Variants in GTF2IRD1 observed in about 807,000 individuals in gnomAD.
GTF2IRD1 encodes GTF2I repeat domain containing 1, also known as general transcription factor II-I repeat domain-containing protein 1.
Under a neutral mutation model 113.2 loss-of-function variants are expected in GTF2IRD1, and 26 were observed. The ratio of observed to expected loss-of-function variants is 0.23; its 90% CI spans 0.17 to 0.32. GTF2IRD1 has a LOEUF of 0.32. GTF2IRD1 is among the 10% of genes least tolerant of loss of function. The probability of loss-of-function intolerance (pLI) is 1.00; values close to 1 mark genes in which losing one functional copy is unlikely to be tolerated. For missense variants in GTF2IRD1, 864 were observed against 1,280.8 expected (o/e 0.67, Z 4.97); for synonymous variants, 484 against 529.1 (o/e 0.91, Z 1.17).
chr7:74,499,677 A>AATGAATGAATGCACAC (rs1303882153), intron 1 of GTF2IRD1, among the ~76,000 whole-genome samples: 2 of 152,202 alleles, frequency 1.3e-5, no homozygotes, highest in Non-Finnish European at 2.9e-5. Flanking sequence ...CCAAGAAATG[A>AATGAATGAATGCACAC]ATGAATGAAT....
intron 1 of GTF2IRD1, among the ~76,000 whole-genome samples, chr7:74,461,068 C>G (rs887865404): frequency 5.3e-5 from 8 of 152,210 alleles, no homozygotes; most frequent in Non-Finnish European, 5.9e-5. Flanking sequence ...GGAGATGGCT[C>G]TCCCCAACCT....
chr7:74,545,576 C>G (rs1490495099), intron 15 of GTF2IRD1, among the ~76,000 whole-genome samples, 168 bp from the exon 16 acceptor site: 1 of 152,134 alleles, frequency 6.6e-6, no homozygotes, highest in Non-Finnish European at 1.5e-5. Context: ...AATTGTGGAC[C>G]TGTCTGCGTG....
chr7:74,519,309 T>TA, intron 5 of GTF2IRD1, 100 bp from the exon 6 acceptor site: 2 of 749,816 alleles, frequency 2.7e-6, no homozygotes, highest in Non-Finnish European at 2.1e-6. Flanking sequence ...ATGGGGCTGT[T>TA]ATGTTCTGCA....
rs139834004 is a variant in GTF2IRD1, at chr7:74,600,491, T to C, written c.2630-553T>C. Among the ~76,000 whole-genome samples, 12 of 152,104 alleles carry C rather than the reference T, an allele frequency of 7.9e-5. 1 individual carries two copies. In the East Asian group the frequency reaches 2.3e-3, roughly 30 times the overall value. On this transcript the variant is annotated intron_variant, in intron 25 of 26. Coordinates refer to ENST00000424337, the MANE Select transcript of GTF2IRD1 (RefSeq NM_005685.4). Reference sequence around the variant, plus strand: ...TGGGAGGCCGAGGTGGATGGATCACTTGAGGTCAGGAGTTCAAGAGCTGCC... The same window carrying C: ...TGGGAGGCCGAGGTGGATGGATCACCTGAGGTCAGGAGTTCAAGAGCTGCC...
At chr7:74,456,770 C>A (rs1459525536) in intron 1 of GTF2IRD1, among the ~76,000 whole-genome samples, 3 of 152,070 alleles carry the variant, frequency 2.0e-5, no homozygotes, top group Admixed American at 6.6e-5. Context: ...ACACACAGTT[C>A]CTCTTCTCTC....
In GTF2IRD1 at chr7:74,555,124, CCA is replaced by C; in HGVS notation, c.1917-49_1917-48del. On this transcript the variant is annotated intron_variant, in intron 17 of 26. Coordinates refer to ENST00000424337, the MANE Select transcript of GTF2IRD1 (RefSeq NM_005685.4). The surrounding 1 kb of genome is among the most constrained non-coding windows in gnomAD (Gnocchi z 5.3). ...GCCCAGAGAGGAGGGCTGAGCAGTC[CCA>C]GAGATGCTTGGAGGGACCTCTGTGA... is the stretch of plus-strand genomic sequence containing the variant. 6.4e-7 allele frequency: 1 copy of C among 1,567,486 alleles called. No homozygotes were observed. Among genetic ancestry groups the C allele is most frequent in the Non-Finnish European group, 8.8e-7 (1 of 1,141,978 alleles).
chr7:74,536,386 C>T (rs1201978148), intron 11 of GTF2IRD1, 111 bp downstream of exon 11: 8 of 637,792 alleles, frequency 1.3e-5, no homozygotes, highest in Admixed American at 2.7e-5. Flanking sequence ...CACCACCCCT[C>T]GAAGGTGCAA....
At chr7:74,519,280 C>T (rs1797124692) in intron 5 of GTF2IRD1, 129 bp from the exon 6 acceptor site, 2 of 604,058 alleles carry the variant, frequency 3.3e-6, no homozygotes, top group Non-Finnish European at 5.6e-6. Context: ...GGAAGAGCAG[C>T]TCCTGTCCTG....
intron 1 of GTF2IRD1, among the ~76,000 whole-genome samples, chr7:74,467,762 C>T (rs782326930): frequency 6.6e-6 from 1 of 152,148 alleles, no homozygotes; most frequent in Middle Eastern, 3.4e-3. Flanking sequence ...GGTTTGATCT[C>T]GACTCACTGC....
chr7:74,561,161 C>T (rs1245263802), intron 22 of GTF2IRD1, among the ~76,000 whole-genome samples: 5 of 151,836 alleles, frequency 3.3e-5, no homozygotes, highest in Admixed American at 3.3e-4. Context: ...TCAGCCTGAC[C>T]AACATGGTGA....
intron 24 of GTF2IRD1, among the ~76,000 whole-genome samples, chr7:74,594,393 G>C (rs1476952520): frequency 6.6e-6 from 1 of 151,706 alleles, no homozygotes; most frequent in Non-Finnish European, 1.5e-5. Flanking sequence ...AATAATAATT[G>C]ATAATAATGC....
At chr7:74,463,871 G>A (rs1046663696) in intron 1 of GTF2IRD1, among the ~76,000 whole-genome samples, 2 of 152,006 alleles carry the variant, frequency 1.3e-5, no homozygotes, top group African/African-American at 2.4e-5. Flanking sequence ...TCACAGGTGC[G>A]TGCCACCACA....
At position 74,588,268 on chromosome 7, in the gene GTF2IRD1, C is replaced by T. The variant is rs1452427288; in HGVS notation, c.2321-1583C>T. On this transcript the variant is annotated intron_variant, in intron 22 of 26. Coordinates refer to ENST00000424337, the MANE Select transcript of GTF2IRD1 (RefSeq NM_005685.4). ...GATTACAGGTGCCCGCCACCACACT[C>T]GGCTAATTTTTGTATTTTTAGTAGA... Among the ~76,000 whole-genome samples, 4 of 150,760 alleles carry T rather than the reference C, an allele frequency of 2.7e-5. No individual in the cohort carries two copies. The East Asian group carries it at 8.0e-4, about 30-fold the overall frequency.
At chr7:74,536,328 G>A (rs1798295973) in intron 11 of GTF2IRD1, 53 bp downstream of exon 11, 1 of 1,145,078 alleles carries the variant, frequency 8.7e-7, no homozygotes, top group South Asian at 1.2e-5. Context: ...GCTCTGGGCT[G>A]AGGCAGTGTT....
At chr7:74,466,748 C>T (rs1175146131) in intron 1 of GTF2IRD1, among the ~76,000 whole-genome samples, 3 of 152,074 alleles carry the variant, frequency 2.0e-5, no homozygotes, top group Admixed American at 6.6e-5. Context: ...CTATAATTGC[C>T]CTCGTGCTTG....
At chr7:74,543,303 G>A (rs1189454883) in intron 14 of GTF2IRD1, among the ~76,000 whole-genome samples, 2 of 150,868 alleles carry the variant, frequency 1.3e-5, no homozygotes, top group Non-Finnish European at 3.0e-5. Flanking sequence ...ACTCTGTCTA[G>A]AAAAAGAAAA....
At chr7:74,601,652 C>T (rs587643856) in intron 26 of GTF2IRD1, 44 of 335,020 alleles carry the variant, frequency 1.3e-4, no homozygotes, top group Middle Eastern at 1.0e-3. Flanking sequence ...CATAGTGGCT[C>T]ATGCCTGTAA....
At chr7:74,489,606 G>C (rs934103707) in intron 1 of GTF2IRD1, among the ~76,000 whole-genome samples, 10 of 152,186 alleles carry the variant, frequency 6.6e-5, no homozygotes, top group African/African-American at 2.4e-4. Context: ...GCCTCCCAAA[G>C]TGCTGAGATG....
At chr7:74,517,474 C>G (rs1296168082) in intron 4 of GTF2IRD1, among the ~76,000 whole-genome samples, 4 of 138,780 alleles carry the variant, frequency 2.9e-5, no homozygotes, top group Non-Finnish European at 6.0e-5. Flanking sequence ...GTTCTGTTAC[C>G]CAGGCTGGAG....
Sources: gnomAD v4.1 joint callset for allele counts (sites outside exome capture counted in the v4.1 genomes callset) on GRCh38, gnomAD v4.1.1 for gene constraint, Gnocchi (gnomAD v3.1) non-coding constraint, MANE v1.5 for transcripts, NCBI Gene and HGNC (gene_info 2026-07-23, HGNC 2026-07-21) for gene names.